ULK4: variants seen among roughly 807,000 people sequenced by gnomAD.
ULK4 encodes the protein unc-51 like kinase 4, also known as inactive serine/threonine-protein kinase ULK4.
A neutral mutation model predicts 160.6 loss-of-function variants in ULK4; 133 were observed. The ratio of observed to expected loss-of-function variants is 0.83; its 90% CI spans 0.72 to 0.96. The LOEUF (loss-of-function observed/expected upper bound fraction) is 0.96, where lower values mean the gene tolerates loss of function less well. ULK4 is among the 40% of genes least tolerant of loss of function. The probability of loss-of-function intolerance (pLI) is 0.00; values close to 1 mark genes in which losing one functional copy is unlikely to be tolerated. For missense variants in ULK4, 1,580 were observed against 1,499.5 expected, an observed-to-expected ratio of 1.05 and a Z score of -0.89; for synonymous variants, 534 against 539.8, an observed-to-expected ratio of 0.99 and a Z score of 0.15.
chr3:41,648,563 G>A (rs1382422386), intron 30 of ULK4, among the ~76,000 whole-genome samples: 2 of 152,222 alleles, frequency 1.3e-5, no homozygotes, highest in East Asian at 1.9e-4. Flanking sequence ...CTCATCAATT[G>A]CAAACTGTTT....
intron 25 of ULK4, among the ~76,000 whole-genome samples, chr3:41,712,001 T>C (rs1041821323): frequency 1.3e-5 from 2 of 152,196 alleles, no homozygotes; most frequent in Non-Finnish European, 2.9e-5. Flanking sequence ...TGGGTAGTCC[T>C]CTTTTTCCAG....
chr3:41,452,635 G>A (rs577433759), intron 34 of ULK4, among the ~76,000 whole-genome samples: 1 of 152,018 alleles, frequency 6.6e-6, no homozygotes, highest in Non-Finnish European at 1.5e-5. Context: ...AATATTTTGT[G>A]CTTCTTAAAC....
intron 22 of ULK4, among the ~76,000 whole-genome samples, chr3:41,744,397 G>A (rs200984032): frequency 6.6e-6 from 1 of 151,896 alleles, no homozygotes; most frequent in African/African-American, 2.4e-5. Context: ...AATAAAGGCA[G>A]GAGTGACTGT....
intron 34 of ULK4, among the ~76,000 whole-genome samples, chr3:41,434,528 C>G (rs542490720): frequency 1.3e-5 from 2 of 152,076 alleles, no homozygotes; most frequent in Admixed American, 1.3e-4. Context: ...ATTTATTAAC[C>G]CTTTCAAAGA....
intron 29 of ULK4, among the ~76,000 whole-genome samples, chr3:41,666,809 T>C (rs181406274): frequency 1.8e-3 from 277 of 152,244 alleles, no homozygotes; most frequent in Middle Eastern, 3.4e-3. Flanking sequence ...CTAGAAAATA[T>C]ATCTTAAAAT....
At chr3:41,464,813 G>A (rs1164491756) in intron 32 of ULK4, among the ~76,000 whole-genome samples, 1 of 152,182 alleles carries the variant, frequency 6.6e-6, no homozygotes, top group African/African-American at 2.4e-5. Flanking sequence ...GGTTCTTTAG[G>A]AGGCAGAGGT....
chr3:41,494,304 T>C (rs2084906652), intron 32 of ULK4, among the ~76,000 whole-genome samples: 1 of 109,380 alleles, frequency 9.1e-6, no homozygotes, highest in African/African-American at 3.3e-5. Context: ...TAATCCAGCA[T>C]ATAAACAGAA....
intron 35 of ULK4, among the ~76,000 whole-genome samples, chr3:41,378,444 A>G (rs1323517392): frequency 1.3e-5 from 2 of 152,060 alleles, no homozygotes; most frequent in Non-Finnish European, 2.9e-5. Flanking sequence ...ATGGAATACT[A>G]TGCAGCCATA....
chr3:41,725,857 A>G (rs1403583694), intron 22 of ULK4, among the ~76,000 whole-genome samples: 1 of 152,222 alleles, frequency 6.6e-6, no homozygotes, highest in Non-Finnish European at 1.5e-5. Flanking sequence ...GAAGGCAGCT[A>G]AAACACCAAA....
At chr3:41,707,828 C>CA (rs1192113896) in intron 25 of ULK4, among the ~76,000 whole-genome samples, 26 of 139,568 alleles carry the variant, frequency 1.9e-4, no homozygotes, top group African/African-American at 3.9e-4. Context: ...ACCTTGTCTC[C>CA]AAAAAAAGAA....
Position 41,453,139 on chromosome 3 carries a change from A to G in ULK4, c.3492+2358T>C, listed in dbSNP as rs536004175. On this transcript the variant is annotated intron_variant, in intron 34 of 36. Transcript: ENST00000301831. The stretch of plus-strand genomic sequence containing the variant: ...TAATAGAATCTAGCTCATTGTCAGC[A>G]CTGGTTAACAGTGGTGAAATTGCGT... Among the ~76,000 whole-genome samples, 4 of 152,164 alleles carry G rather than the reference A, an allele frequency of 2.6e-5. No homozygotes were observed. In the South Asian group the frequency reaches 8.3e-4, roughly 31 times the overall value.
intron 21 of ULK4, among the ~76,000 whole-genome samples, chr3:41,769,664 G>T (rs1449501767): frequency 2.0e-5 from 3 of 152,130 alleles, no homozygotes; most frequent in Non-Finnish European, 4.4e-5. Context: ...ATGGTATAAT[G>T]AAATATTTAA....
At chr3:41,399,094 C>T (rs2082125379) in intron 34 of ULK4, among the ~76,000 whole-genome samples, 1 of 152,170 alleles carries the variant, frequency 6.6e-6, no homozygotes, top group African/African-American at 2.4e-5. Flanking sequence ...TTTTGAAGAA[C>T]TGCCAGACTG....
chr3:41,459,781 C>G (rs557497331), intron 33 of ULK4, among the ~76,000 whole-genome samples: 2 of 152,120 alleles, frequency 1.3e-5, no homozygotes, highest in Admixed American at 6.5e-5. Context: ...CATCCACTTA[C>G]AAGATGGCAG....
At chr3:41,338,771 T>C (rs1022173404) in intron 35 of ULK4, among the ~76,000 whole-genome samples, 2 of 149,006 alleles carry the variant, frequency 1.3e-5, no homozygotes, top group Non-Finnish European at 3.0e-5. Context: ...ATATATGACA[T>C]ATATATATAT....
intron 34 of ULK4, among the ~76,000 whole-genome samples, chr3:41,454,552 A>G (rs1197332199): frequency 3.3e-5 from 5 of 151,628 alleles, no homozygotes; most frequent in South Asian, 4.2e-4. Context: ...AAAAAAAAAA[A>G]AAAGAAAGAA....
intron 19 of ULK4, among the ~76,000 whole-genome samples, chr3:41,806,725 G>C (rs1419489923): frequency 6.6e-6 from 1 of 151,726 alleles, no homozygotes; most frequent in Non-Finnish European, 1.5e-5. Flanking sequence ...TTTATTTTAG[G>C]CAAAGCTTTC....
In ULK4 at chr3:41,498,567, CTTTT is replaced by C. The variant is rs1181869158; in HGVS notation, c.3227-35318_3227-35315del. On this transcript the variant is annotated intron_variant, in intron 32 of 36. Coordinates refer to ENST00000301831, the MANE Select transcript of ULK4 (RefSeq NM_017886.4). ...ACAGACAAACATTAGAGAGCTTCTT[CTTTT>C]TTTTCTTTTTTTTTTTTTTGCTTTG... Among the ~76,000 whole-genome samples, 9 of 42,494 alleles carry C rather than the reference CTTTT, an allele frequency of 2.1e-4. No individual in the cohort carries two copies. The South Asian group carries it at 4.8e-3, about 23-fold the overall frequency. The allele number at this position is 42,494 out of a possible 152,430, so 27.9% of individuals were successfully genotyped here.
intron 35 of ULK4, among the ~76,000 whole-genome samples, chr3:41,378,337 C>T (rs989639696): frequency 6.6e-6 from 1 of 151,024 alleles, no homozygotes; most frequent in African/African-American, 2.4e-5. Context: ...AACTAACCTG[C>T]ACAATGTGCA....
Sources: allele counts gnomAD v4.1 joint callset (sites outside exome capture counted in the v4.1 genomes callset), GRCh38; gene constraint gnomAD v4.1.1; transcripts MANE v1.5; gene names NCBI Gene and HGNC (gene_info 2026-07-23, HGNC 2026-07-21).